TOR3A: variants seen among roughly 807,000 people sequenced by gnomAD.
TOR3A encodes torsin-3A.
Under a neutral mutation model 42.1 loss-of-function variants are expected in TOR3A, and 44 were observed. The observed-to-expected ratio is 1.04, with a 90% confidence interval of 0.82 to 1.34. TOR3A has a LOEUF of 1.34. Among genes scored for constraint, TOR3A ranks in the 40% most tolerant of loss-of-function variants. The pLI is 0.00. For missense variants in TOR3A, 521 were observed against 507.6 expected (o/e 1.03, Z -0.25); for synonymous variants, 227 against 213.2 (o/e 1.06, Z -0.57).
At chr1:179,082,727 A>C in intron 1 of TOR3A, 1 of 703,786 alleles carries the variant, frequency 1.4e-6, no homozygotes, top group Non-Finnish European at 2.6e-6. Context: ...AGCTCTAGGG[A>C]ACGTCCGCTG....
At chr1:179,085,356 G>A (rs1434316693) in intron 2 of TOR3A, 9 of 363,016 alleles carry the variant, frequency 2.5e-5, no homozygotes, top group East Asian at 1.5e-4. Flanking sequence ...CCAGGGAGGC[G>A]GAGGTTGCAG....
intron 4 of TOR3A, among the ~76,000 whole-genome samples, chr1:179,092,569 T>A (rs1457913881): frequency 7.2e-5 from 11 of 151,962 alleles, no homozygotes; most frequent in South Asian, 4.2e-4. Context: ...TACAAAAAAA[T>A]TTTAAAAATA....
intron 4 of TOR3A, 122 bp from the exon 5 acceptor site, chr1:179,093,971 A>C: frequency 7.9e-7 from 1 of 1,265,282 alleles, no homozygotes; most frequent in Non-Finnish European, 1.1e-6. Flanking sequence ...TGGAAGAGAG[A>C]GAAGGTCCAC....
At chr1:179,085,156 A>G (rs1210448182) in intron 2 of TOR3A, among the ~76,000 whole-genome samples, 4 of 152,036 alleles carry the variant, frequency 2.6e-5, no homozygotes, top group African/African-American at 9.7e-5. Flanking sequence ...GCTGGGCGCA[A>G]TGGCTCACGC....
rs867080794 is a variant in TOR3A at position 179,083,592 on chromosome 1, G to T, written c.373+539G>T. Among the ~76,000 whole-genome samples the T allele has an allele frequency of 1.3e-4, 15 of 117,236 alleles. 1 individual carries two copies. Among genetic ancestry groups the T allele is most frequent in the African/African-American group, 2.8e-4 (10 of 35,556 alleles). 76.9% of individuals were successfully genotyped at this position (117,236 alleles called of 152,430 possible). On this transcript the variant is annotated intron_variant, in intron 2 of 5. Coordinates refer to ENST00000367627, the MANE Select transcript of TOR3A (RefSeq NM_022371.4). ...ATTTTTAGTAGAGGCGGGGGGGGGG[G>T]GGGGGGGCGGGTTTCACCATGTTGG...
chr1:179,094,420 T>C (rs1285746047), intron 5 of TOR3A, among the ~76,000 whole-genome samples: 1 of 151,290 alleles, frequency 6.6e-6, no homozygotes, highest in Non-Finnish European at 1.5e-5. Flanking sequence ...TGCTTGGAAA[T>C]AGTAGTTTGC....
Position 179,085,855 on chromosome 1 carries a change from T to C in TOR3A, c.601T>C (p.Phe201Leu). 1 of 1,614,096 alleles carries C rather than the reference T, an allele frequency of 6.2e-7. No homozygotes were observed. The highest frequency in any genetic ancestry group is 8.5e-7 in the Non-Finnish European group (1 of 1,180,022). Residue 201 changes from phenylalanine to leucine, a missense_variant, in exon 3 of 6, where the codon TTC becomes CTC. Transcript: ENST00000367627. ...CTGTGTCAGGATGTTCATCGCCACGTTCCACTTTCCTCACCCCAAATATGT... is the reference window on the plus strand; with the variant it reads ...CTGTGTCAGGATGTTCATCGCCACGCTCCACTTTCCTCACCCCAAATATGT... The part of the protein sequence containing the change: ...SDCVRMFIAT[F>L]HFPHPKYVDL...
chr1:179,089,629 A>T (rs560439842), intron 4 of TOR3A, among the ~76,000 whole-genome samples: 1 of 152,320 alleles, frequency 6.6e-6, no homozygotes, highest in Non-Finnish European at 1.5e-5. Context: ...ACAGAGAGTC[A>T]GGTGGGGGCT....
In TOR3A at chr1:179,095,067, G is replaced by C. The variant is rs376490222; in HGVS notation, c.1043G>C (p.Arg348Pro). Residue 348 changes from arginine to proline, a missense_variant, in exon 6 of 6, where the codon CGG becomes CCG. Coordinates refer to ENST00000367627, the MANE Select transcript of TOR3A (RefSeq NM_022371.4). ...TACCGTCACGTGAGGCTGTGTGCACGGGATGCCTTCCTGAGCCAGGAGCTC... is the reference window on the plus strand; with the variant it reads ...TACCGTCACGTGAGGCTGTGTGCACCGGATGCCTTCCTGAGCCAGGAGCTC... ...LEYRHVRLCA[R>P]DAFLSQELLY... 2 of 1,614,076 alleles carry C rather than the reference G, an allele frequency of 1.2e-6. No homozygotes were observed. Among genetic ancestry groups the C allele is most frequent in the East Asian group, 2.2e-5 (1 of 44,896 alleles).
Position 179,085,808 on chromosome 1 carries a change from A to G in TOR3A, c.554A>G (p.Tyr185Cys), listed in dbSNP as rs1652420160. Residue 185 changes from tyrosine (Y) to cysteine (C), a missense_variant, in exon 3 of 6, where the codon TAT becomes TGT. Coordinates refer to ENST00000367627, the MANE Select transcript of TOR3A (RefSeq NM_022371.4). ...FVARMLVENLYRDGLMSDCVR... is the reference protein window; with the variant it reads ...FVARMLVENLCRDGLMSDCVR... ...GCACGGATGCTGGTGGAGAACCTGT[A>G]TCGGGACGGGCTGATGAGTGACTGT... 3 of 1,614,188 alleles carry G rather than the reference A, an allele frequency of 1.9e-6. No individual in the cohort carries two copies. Among genetic ancestry groups the G allele is most frequent in the South Asian group, 2.2e-5 (2 of 91,084 alleles).
In TOR3A at chr1:179,082,321, C is replaced by G. The variant is rs1652309796; in HGVS notation, c.193C>G (p.Leu65Val). The stretch of plus-strand genomic sequence containing the variant: ...TGCCCTCTCCAAGCGGTACTGGACG[C>G]TCTTCAGCTGCCAGGTGTGGCCCGA... Reference protein sequence around the residue: ...AGALSKRYWTLFSCQVWPDDC... With the variant: ...AGALSKRYWTVFSCQVWPDDC... The change falls in exon 1 of 6, where the codon CTC becomes GTC. Residue 65 changes from leucine to valine, a missense_variant. Transcript: ENST00000367627. 1 of 1,603,994 alleles carries G rather than the reference C, an allele frequency of 6.2e-7. No homozygotes were observed.
chr1:179,094,573 A>T (rs1169373818), intron 5 of TOR3A, among the ~76,000 whole-genome samples: 1 of 152,080 alleles, frequency 6.6e-6, no homozygotes, highest in African/African-American at 2.4e-5. Flanking sequence ...ATGAGATCCA[A>T]CCTCACCCAG....
chr1:179,084,162 C>T lies in TOR3A; in HGVS notation c.373+1109C>T, dbSNP rs192944441. 7.2e-5 allele frequency among the ~76,000 whole-genome samples: 11 copies of T among 152,306 alleles called. No individual in the cohort carries two copies. The East Asian group carries it at 2.1e-3, about 29-fold the overall frequency. ...CAGCGGATTGGAGACCCCTCCTAGT[C>T]GTGCCTCTTCCTTGCTGGCAAACTG... On this transcript the variant is annotated intron_variant, in intron 2 of 5. Transcript: ENST00000367627.
Position 179,094,207 on chromosome 1 carries a change from G to A in TOR3A, c.933G>A (p.Val311=), listed in dbSNP as rs751860334. 8 of 1,613,124 alleles carry A rather than the reference G, an allele frequency of 5.0e-6. No homozygotes were observed. Among genetic ancestry groups the A allele is most frequent in the African/African-American group, 1.3e-5 (1 of 74,878 alleles). The change falls in exon 5 of 6, where the codon GTG becomes GTA. Residue 311 remains valine (V), a synonymous_variant. Coordinates refer to ENST00000367627, the MANE Select transcript of TOR3A (RefSeq NM_022371.4). ...AGCCCCACCTCCAGGCGGAGATTGT[G>A]GAGACCATAGGTGAGTAACTGACTC... is the stretch of plus-strand genomic sequence containing the variant. ...HLEPHLQAEI[V]ETIDNGFGHS...
Position 179,095,485 on chromosome 1 carries a change from G to T in TOR3A, c.*267G>T, listed in dbSNP as rs1284734264. 4 of 1,330,230 alleles carry T rather than the reference G, an allele frequency of 3.0e-6. No homozygotes were observed. Among genetic ancestry groups the T allele is most frequent in the Non-Finnish European group, 2.9e-6 (3 of 1,040,134 alleles). 82.4% of individuals were successfully genotyped at this position (1,330,230 alleles called of 1,614,324 possible). A position where few individuals can be genotyped will look rare whatever the true frequency, so the allele number is the denominator to read the frequency against. The stretch of plus-strand genomic sequence containing the variant: ...ACAGAGCCCATTCTTAAGATCACTT[G>T]GTGCCTTAAAGACACGCATTCCAAA... On this transcript the variant is annotated 3_prime_UTR_variant, in exon 6 of 6. Transcript: ENST00000367627.
At chr1:179,090,988 C>T (rs956855848) in intron 4 of TOR3A, among the ~76,000 whole-genome samples, 1 of 152,138 alleles carries the variant, frequency 6.6e-6, no homozygotes, top group African/African-American at 2.4e-5. Context: ...CCCCCAGTGT[C>T]TGTTGGCTGC....
chr1:179,095,804 TC>T lies in TOR3A; in HGVS notation c.*587del. ...CCAAGCTGCTTCTGTTGTGAGCGAA[TC>T]AGCCAAGAGCCTGAGGCTGAAGGGA... On this transcript the variant is annotated 3_prime_UTR_variant, in exon 6 of 6. Transcript: ENST00000367627. 1.0e-6 allele frequency: 1 copy of T among 987,014 alleles called. No individual in the cohort carries two copies. The highest frequency in any genetic ancestry group is 1.2e-6 in the Non-Finnish European group (1 of 831,406). 61.1% of individuals were successfully genotyped at this position (987,014 alleles called of 1,614,324 possible).
intron 2 of TOR3A, 57 bp downstream of exon 2, chr1:179,083,110 A>C: frequency 9.1e-7 from 1 of 1,104,016 alleles, no homozygotes; most frequent in African/African-American, 1.6e-5. Flanking sequence ...GAGGCAGTCC[A>C]GGGGAAATGG....
intron 4 of TOR3A, among the ~76,000 whole-genome samples, chr1:179,089,899 CAG>C (rs1198860134): frequency 1.3e-5 from 2 of 152,156 alleles, no homozygotes; most frequent in Non-Finnish European, 2.9e-5. Context: ...GCCGGCCACA[CAG>C]ACTCTCCCAC....
Sources: gnomAD v4.1 joint callset for allele counts (sites outside exome capture counted in the v4.1 genomes callset) on GRCh38, gnomAD v4.1.1 for gene constraint, MANE v1.5 for transcripts, NCBI Gene and HGNC (gene_info 2026-07-23, HGNC 2026-07-21) for gene names.